The following PPP2R2B variants were observed in gnomAD, a reference collection of about 807,000 sequenced individuals.
PPP2R2B encodes the protein serine/threonine-protein phosphatase 2A 55 kDa regulatory subunit B beta isoform.
A neutral mutation model predicts 46.0 loss-of-function variants in PPP2R2B; 5 were observed. The ratio of observed to expected loss-of-function variants is 0.11; its 90% CI spans 0.06 to 0.23. The LOEUF is 0.23. Among genes scored for constraint, PPP2R2B ranks in the 10% least tolerant of loss-of-function variants. The pLI, the probability that PPP2R2B is intolerant of heterozygous loss-of-function variation, is 1.00. For missense variants in PPP2R2B, 367 were observed against 575.0 expected (o/e 0.64, Z 3.70); for synonymous variants, 215 against 206.7 (o/e 1.04, Z -0.34).
intron 2 of PPP2R2B, among the ~76,000 whole-genome samples, chr5:146,790,353 G>A (rs1261761530): frequency 1.3e-5 from 2 of 152,174 alleles, no homozygotes; most frequent in South Asian, 2.1e-4. Flanking sequence ...CAGGAAAAAA[G>A]CCCTTTGCTC....
chr5:146,586,086 T>C lies in PPP2R2B; in HGVS notation c.*3861A>G, dbSNP rs1770144792. 6.6e-6 allele frequency: 1 copy of C among 152,256 alleles called. No individual in the cohort carries two copies. The highest frequency in any genetic ancestry group is 1.5e-5 in the Non-Finnish European group (1 of 68,078). The allele number at this position is 152,256 out of a possible 1,614,324, so 9.4% of individuals were successfully genotyped here. ...ACAGTGAATCAGGTTGCAGTGTGAA[T>C]GTTTCTCAGTGGTGTGTCTAGACTT... On this transcript the variant is annotated 3_prime_UTR_variant, in exon 10 of 10. Coordinates refer to ENST00000394411, the MANE Select transcript of PPP2R2B (RefSeq NM_181675.4).
chr5:146,667,470 C>T (rs960128299), intron 5 of PPP2R2B, among the ~76,000 whole-genome samples: 1 of 151,552 alleles, frequency 6.6e-6, no homozygotes, highest in South Asian at 2.1e-4. Flanking sequence ...AGATGCCAAG[C>T]TTTCAGAAAT....
chr5:147,045,394 A>T (rs771902312), intron 1 of PPP2R2B, among the ~76,000 whole-genome samples: 3 of 152,148 alleles, frequency 2.0e-5, no homozygotes, highest in Non-Finnish European at 4.4e-5. Flanking sequence ...CAGGACTGTA[A>T]CATGCTGTAC....
intron 7 of PPP2R2B, among the ~76,000 whole-genome samples, chr5:146,637,142 A>G (rs1774878596): frequency 6.6e-6 from 1 of 152,228 alleles, no homozygotes; most frequent in African/African-American, 2.4e-5. Flanking sequence ...TTCCTTGAGT[A>G]TAGGAGATAA....
intron 2 of PPP2R2B, among the ~76,000 whole-genome samples, chr5:147,075,943 AAT>A (rs72462832): frequency 0.58 from 88,243 of 151,776 alleles, 25,853 homozygotes; most frequent in Middle Eastern, 0.74. Flanking sequence ...TGTTGTTTAA[AAT>A]ATATTTCTAA....
chr5:146,919,000 AC>A (rs1301349036), intron 1 of PPP2R2B, among the ~76,000 whole-genome samples: 2 of 152,258 alleles, frequency 1.3e-5, no homozygotes. Context: ...AATGCCTGAC[AC>A]GAGTAGACTT....
At chr5:146,883,464 A>G (rs1762231748), upstream of PPP2R2B, among the ~76,000 whole-genome samples, 1 of 152,254 alleles carries the variant, frequency 6.6e-6, no homozygotes, top group Non-Finnish European at 1.5e-5. Flanking sequence ...CTTAATGAAC[A>G]ATTAGAAACT....
At chr5:146,606,478 G>T (rs1207587484) in intron 7 of PPP2R2B, among the ~76,000 whole-genome samples, 2 of 152,162 alleles carry the variant, frequency 1.3e-5, no homozygotes, top group African/African-American at 2.4e-5. Context: ...CTCCTTCCAA[G>T]CTTCATTTAA....
chr5:146,926,639 A>G (rs1295781362), intron 1 of PPP2R2B, among the ~76,000 whole-genome samples: 1 of 152,146 alleles, frequency 6.6e-6, no homozygotes, highest in Non-Finnish European at 1.5e-5. Flanking sequence ...CAAACACCTT[A>G]AACCACTAAG....
chr5:147,066,084 A>G (rs1316958750), intron 2 of PPP2R2B, among the ~76,000 whole-genome samples: 1 of 152,148 alleles, frequency 6.6e-6, no homozygotes, highest in Non-Finnish European at 1.5e-5. Context: ...CTTAACTACC[A>G]CATAGAACCA....
chr5:147,005,190 G>C (rs1754378916), intron 1 of PPP2R2B, among the ~76,000 whole-genome samples: 1 of 152,162 alleles, frequency 6.6e-6, no homozygotes, highest in African/African-American at 2.4e-5. Flanking sequence ...CATGCTGCCG[G>C]ATATGATCTC....
chr5:147,028,948 T>G (rs951216087), intron 1 of PPP2R2B, among the ~76,000 whole-genome samples: 4 of 152,184 alleles, frequency 2.6e-5, no homozygotes, highest in African/African-American at 9.7e-5. Flanking sequence ...TTTCAAGTAC[T>G]TATTCTCTTT....
chr5:146,776,188 T>TAGTCA (rs1284397009), intron 2 of PPP2R2B, among the ~76,000 whole-genome samples: 1 of 152,094 alleles, frequency 6.6e-6, no homozygotes, highest in Non-Finnish European at 1.5e-5. Flanking sequence ...AATACAAGAA[T>TAGTCA]AGTCAATTCA....
intron 1 of PPP2R2B, among the ~76,000 whole-genome samples, chr5:146,900,325 G>A (rs1283721421): frequency 6.6e-6 from 1 of 152,096 alleles, no homozygotes; most frequent in Admixed American, 6.5e-5. Context: ...CACAAAGACA[G>A]GCCAGCTCAT....
chr5:147,015,855 T>C (rs1324534917), intron 1 of PPP2R2B, among the ~76,000 whole-genome samples: 1 of 151,406 alleles, frequency 6.6e-6, no homozygotes, highest in African/African-American at 2.4e-5. Context: ...TGGAAATCCC[T>C]TATTTTCTCA....
At chr5:146,964,271 A>G (rs1385179421) in intron 1 of PPP2R2B, among the ~76,000 whole-genome samples, 1 of 152,256 alleles carries the variant, frequency 6.6e-6, no homozygotes, top group Admixed American at 6.5e-5. Context: ...TAGATCTGAC[A>G]GTCAAAGAAA....
Position 146,619,111 on chromosome 5 carries a change from C to G in PPP2R2B, c.791-18651G>C, listed in dbSNP as rs1332266527. Among the ~76,000 whole-genome samples, 3 of 152,128 alleles carry G rather than the reference C, an allele frequency of 2.0e-5. No individual in the cohort carries two copies. The East Asian group carries it at 5.8e-4, about 29-fold the overall frequency. On this transcript the variant is annotated intron_variant, in intron 7 of 9. Coordinates refer to ENST00000394411, the MANE Select transcript of PPP2R2B (RefSeq NM_181675.4). ...CTGACCCATCTACTACTCATTTGCA[C>G]CAGAGTTGAATAACTCCTACCTCCA...
chr5:146,752,580 C>T (rs911601157), intron 2 of PPP2R2B, among the ~76,000 whole-genome samples: 4 of 152,236 alleles, frequency 2.6e-5, no homozygotes, highest in East Asian at 3.9e-4. Flanking sequence ...TAATTCAGTG[C>T]CTGGATCTTG....
chr5:147,046,111 C>T (rs570916629), intron 1 of PPP2R2B, among the ~76,000 whole-genome samples: 23 of 152,262 alleles, frequency 1.5e-4, no homozygotes, highest in African/African-American at 5.1e-4. Context: ...TCCATTTTTA[C>T]TACCTGTGAA....
Sources: gnomAD v4.1 joint callset for allele counts (sites outside exome capture counted in the v4.1 genomes callset) on GRCh38, gnomAD v4.1.1 for gene constraint, MANE v1.5 for transcripts, NCBI Gene and HGNC (gene_info 2026-07-23, HGNC 2026-07-21) for gene names.